The following ST8SIA5 variants were observed in gnomAD, a reference collection of about 807,000 sequenced individuals.
The protein encoded by ST8SIA5 is ST8 alpha-N-acetyl-neuraminide alpha-2,8-sialyltransferase 5.
Under a neutral mutation model 40.2 loss-of-function variants are expected in ST8SIA5, and 24 were observed. The observed-to-expected ratio is 0.60, with a 90% CI of 0.43 to 0.84. ST8SIA5 has a LOEUF of 0.84. Ranked by LOEUF, ST8SIA5 falls within the 40% of genes least tolerant of loss-of-function variation. The pLI is 0.00. For missense variants in ST8SIA5, 465 were observed against 498.5 expected (o/e 0.93, Z 0.64); for synonymous variants, 198 against 201.8 (o/e 0.98, Z 0.16).
At position 46,695,138 on chromosome 18, in the gene ST8SIA5, G is replaced by A. The variant is rs925856181; in HGVS notation, c.225-2883C>T. Reference sequence around the variant, plus strand: ...TGTGCCATTGCACTCCAGCCTAGGCGACAGAGCAAGAATCCATCTCAAAAG... The same window carrying A: ...TGTGCCATTGCACTCCAGCCTAGGCAACAGAGCAAGAATCCATCTCAAAAG... On this transcript the variant is annotated intron_variant, in intron 2 of 6. Coordinates refer to ENST00000315087, the MANE Select transcript of ST8SIA5 (RefSeq NM_013305.6). Among the ~76,000 whole-genome samples the A allele has an allele frequency of 6.9e-5, 10 of 145,244 alleles. No individual in the cohort carries two copies. In the East Asian group the frequency reaches 1.8e-3, roughly 26 times the overall value.
chr18:46,723,821 A>G (rs4890689), intron 1 of ST8SIA5, among the ~76,000 whole-genome samples: 9,387 of 151,946 alleles, frequency 0.062, 358 homozygotes, highest in South Asian at 0.16. Context: ...AGCTACTCAG[A>G]AGGCTGAGGC....
intron 1 of ST8SIA5, among the ~76,000 whole-genome samples, chr18:46,711,684 C>A (rs2039734224): frequency 6.6e-6 from 1 of 152,206 alleles, no homozygotes; most frequent in Non-Finnish European, 1.5e-5. Flanking sequence ...CCTGACAATT[C>A]AAAGGACTGA....
rs373868101 is a variant in ST8SIA5, at chr18:46,681,137, A to AT, written c.663-628dup. Reference sequence around the variant, plus strand: ...CAGGTGTGCACCACAACACTTGCCTATTTTTTTTTTTTAATTTTTTGTAGA... The same window carrying AT: ...CAGGTGTGCACCACAACACTTGCCTATTTTTTTTTTTTTAATTTTTTGTAGA... On this transcript the variant is annotated intron_variant, in intron 6 of 6. Coordinates refer to ENST00000315087, the MANE Select transcript of ST8SIA5 (RefSeq NM_013305.6). Among the ~76,000 whole-genome samples, 764 of 144,510 alleles carry AT rather than the reference A, an allele frequency of 5.3e-3. 1 individual carries two copies. The highest frequency in any genetic ancestry group is 0.015 in the African/African-American group (606 of 39,530). 94.8% of individuals were successfully genotyped at this position (144,510 alleles called of 152,430 possible).
intron 2 of ST8SIA5, among the ~76,000 whole-genome samples, chr18:46,697,125 A>T (rs1012209117): frequency 1.1e-4 from 3 of 28,018 alleles, no homozygotes; most frequent in Non-Finnish European, 1.7e-4. Context: ...TTCCTCTGTT[A>T]AAAAAAAAAA....
At position 46,679,964 on chromosome 18, in the gene ST8SIA5, G is replaced by A. The variant is rs2039370097; in HGVS notation, c.*78C>T. On this transcript the variant is annotated 3_prime_UTR_variant, in exon 7 of 7. Coordinates refer to ENST00000315087, the MANE Select transcript of ST8SIA5 (RefSeq NM_013305.6). The stretch of plus-strand genomic sequence containing the variant: ...TGAACGCCAGGACCCCACGCTGCCC[G>A]GTTCGGGGCTCCCAGTTCCACCAGG... The A allele has an allele frequency of 2.2e-5, 31 of 1,411,728 alleles. No homozygotes were observed. Among genetic ancestry groups the A allele is most frequent in the East Asian group, 1.4e-4 (6 of 42,316 alleles). The allele number at this position is 1,411,728 out of a possible 1,614,324, so 87.5% of individuals were successfully genotyped here.
intron 1 of ST8SIA5, chr18:46,730,401 G>A (rs984476192): frequency 8.5e-6 from 2 of 235,582 alleles, no homozygotes; most frequent in Non-Finnish European, 1.4e-5. Context: ...TGCATATAAA[G>A]GCTTTTATAT....
chr18:46,689,690 C>G (rs954587030), intron 3 of ST8SIA5, among the ~76,000 whole-genome samples: 2 of 151,252 alleles, frequency 1.3e-5, no homozygotes, highest in African/African-American at 2.4e-5. Context: ...TCTTCTGCCA[C>G]AGCCTCCCAA....
chr18:46,710,354 C>CTTTT (rs1385637861), intron 1 of ST8SIA5, among the ~76,000 whole-genome samples: 4 of 146,722 alleles, frequency 2.7e-5, no homozygotes, highest in Admixed American at 6.8e-5. Flanking sequence ...TTCCTTCTTT[C>CTTTT]CTTCTTTCTT....
chr18:46,719,380 G>A (rs546043825), intron 1 of ST8SIA5, among the ~76,000 whole-genome samples: 7 of 152,290 alleles, frequency 4.6e-5, no homozygotes, highest in East Asian at 1.9e-4. Flanking sequence ...AAGCAAGGAC[G>A]TGGAGGAGAG....
Position 46,673,911 on chromosome 18 carries a change from C to T in ST8SIA5, c.*6131G>A, listed in dbSNP as rs1826202478. 1 of 152,216 alleles carries T rather than the reference C, an allele frequency of 6.6e-6. No homozygotes were observed. Among genetic ancestry groups the T allele is most frequent in the Non-Finnish European group, 1.5e-5 (1 of 68,116 alleles). 9.4% of individuals were successfully genotyped at this position (152,216 alleles called of 1,614,324 possible). On this transcript the variant is annotated 3_prime_UTR_variant, in exon 7 of 7. Transcript: ENST00000315087. ...CTGACCCCTGAGCCACAGTTAGCCT[C>T]TTCCCAGAGGGTGCTCTGGTTACAG... is the stretch of plus-strand genomic sequence containing the variant.
Position 46,676,908 on chromosome 18 carries a change from T to A in ST8SIA5, c.*3134A>T, listed in dbSNP as rs1183058692. ...AACACTGGCTGCAGCAGAAAAACTATATCCTGAAAGTCAGGAGACTGGTGA... is the reference window on the plus strand; with the variant it reads ...AACACTGGCTGCAGCAGAAAAACTAAATCCTGAAAGTCAGGAGACTGGTGA... On this transcript the variant is annotated 3_prime_UTR_variant, in exon 7 of 7. Coordinates refer to ENST00000315087, the MANE Select transcript of ST8SIA5 (RefSeq NM_013305.6). The A allele has an allele frequency of 6.6e-6, 1 of 152,200 alleles. No individual in the cohort carries two copies. Among genetic ancestry groups the A allele is most frequent in the African/African-American group, 2.4e-5 (1 of 41,448 alleles). The allele number at this position is 152,200 out of a possible 1,614,324, so 9.4% of individuals were successfully genotyped here. A position where few individuals can be genotyped will look rare whatever the true frequency, so the allele number is the denominator to read the frequency against.
At chr18:46,733,161 G>A (rs996364187) in intron 1 of ST8SIA5, among the ~76,000 whole-genome samples, 6 of 152,154 alleles carry the variant, frequency 3.9e-5, no homozygotes, top group Non-Finnish European at 5.9e-5. Context: ...CCCCGAAGGC[G>A]GCTCAACACT....
chr18:46,706,168 A>T (rs1376882676), intron 1 of ST8SIA5, among the ~76,000 whole-genome samples: 1 of 152,000 alleles, frequency 6.6e-6, no homozygotes, highest in Non-Finnish European at 1.5e-5. Flanking sequence ...ATAATTTTAC[A>T]TAATATTTTA....
At chr18:46,699,059 C>T (rs2039585093) in intron 2 of ST8SIA5, among the ~76,000 whole-genome samples, 1 of 152,156 alleles carries the variant, frequency 6.6e-6, no homozygotes, top group Non-Finnish European at 1.5e-5. Flanking sequence ...CTAGAAAAAG[C>T]TTCAAAAAGG....
intron 1 of ST8SIA5, among the ~76,000 whole-genome samples, chr18:46,725,452 C>T (rs903343077): frequency 1.3e-5 from 2 of 152,088 alleles, no homozygotes; most frequent in African/African-American, 4.8e-5. Flanking sequence ...CTTCACATGG[C>T]AGTCCCCTCC....
rs567312440 is a variant in ST8SIA5, at chr18:46,755,684, A to G, written c.131+694T>C. 4.9e-4 allele frequency among the ~76,000 whole-genome samples: 75 copies of G among 152,130 alleles called. 1 individual carries two copies. Among genetic ancestry groups the G allele is most frequent in the Non-Finnish European group, 4.4e-4 (30 of 67,996 alleles). ...TCTTTCTCTTGGAGTTTAACCGTGG[A>G]TTGGGGTGGAGTAGGGGGAGAGCCC... On this transcript the variant is annotated intron_variant, in intron 1 of 6. Coordinates refer to ENST00000315087, the MANE Select transcript of ST8SIA5 (RefSeq NM_013305.6).
chr18:46,680,297 C>T lies in ST8SIA5; in HGVS notation c.876G>A (p.Leu292=), dbSNP rs779424425. Residue 292 remains leucine (L), a synonymous_variant, in exon 7 of 7, where the codon CTG becomes CTA. Coordinates refer to ENST00000315087, the MANE Select transcript of ST8SIA5 (RefSeq NM_013305.6). ...LVNVSRYWLS[L]GVRAKRISTG... ...TGCTGATGCGCTTGGCGCGCACCCCCAGGCTGAGCCAGTAGCGCGACACGT... is the reference window on the plus strand; with the variant it reads ...TGCTGATGCGCTTGGCGCGCACCCCTAGGCTGAGCCAGTAGCGCGACACGT... 6.2e-7 allele frequency: 1 copy of T among 1,614,218 alleles called. No individual in the cohort carries two copies. Among genetic ancestry groups the T allele is most frequent in the Non-Finnish European group, 8.5e-7 (1 of 1,180,050 alleles).
At chr18:46,709,511 C>T (rs150425807) in intron 1 of ST8SIA5, among the ~76,000 whole-genome samples, 246 of 152,316 alleles carry the variant, frequency 1.6e-3, no homozygotes, top group African/African-American at 5.3e-3. Context: ...CCATATTCTG[C>T]TTCTAACAGG....
chr18:46,745,697 C>A (rs1053723346), intron 1 of ST8SIA5, among the ~76,000 whole-genome samples: 16 of 152,270 alleles, frequency 1.1e-4, no homozygotes, highest in African/African-American at 3.6e-4. Context: ...AAAAGAGGGA[C>A]TCCTCCTTAA....
Sources: gnomAD v4.1 joint callset for allele counts (sites outside exome capture counted in the v4.1 genomes callset) on GRCh38, gnomAD v4.1.1 for gene constraint, MANE v1.5 for transcripts, NCBI Gene and HGNC (gene_info 2026-07-23, HGNC 2026-07-21) for gene names.